Variants in PPP2R2B observed in about 807,000 individuals in gnomAD.
The protein encoded by PPP2R2B is protein phosphatase 2 regulatory subunit Bbeta, also known as serine/threonine-protein phosphatase 2A 55 kDa regulatory subunit B beta isoform.
Under a neutral mutation model 46.0 loss-of-function variants are expected in PPP2R2B, and 5 were observed. The observed-to-expected ratio is 0.11, with a 90% CI of 0.06 to 0.23. PPP2R2B has a LOEUF of 0.23. Ranked by LOEUF, PPP2R2B falls within the 10% of genes least tolerant of loss-of-function variation. The pLI is 1.00. For synonymous variants in PPP2R2B, 215 were observed against 206.7 expected (o/e 1.04, Z -0.34); for missense variants, 367 against 575.0 (o/e 0.64, Z 3.70).
intron 2 of PPP2R2B, among the ~76,000 whole-genome samples, chr5:146,797,999 T>C (rs1756645755): frequency 6.6e-6 from 1 of 152,072 alleles, no homozygotes; most frequent in Admixed American, 6.6e-5. Context: ...AAACCGTCAA[T>C]CTCCTTTCAG....
In PPP2R2B at chr5:146,703,592, T is replaced by G. The variant is rs538631216; in HGVS notation, c.71-2450A>C. Among the ~76,000 whole-genome samples, 16 of 152,298 alleles carry G rather than the reference T, an allele frequency of 1.1e-4. No homozygotes were observed. In the South Asian group the frequency reaches 2.9e-3, roughly 28 times the overall value. ...TTCCCAGTGTGAGCTCTTGGCTCAG[T>G]TGCCAAGAAGATATTACTCCAAGGG... On this transcript the variant is annotated intron_variant, in intron 2 of 9. Coordinates refer to ENST00000394411, the MANE Select transcript of PPP2R2B (RefSeq NM_181675.4).
chr5:146,945,083 G>A (rs1387644138), intron 1 of PPP2R2B, among the ~76,000 whole-genome samples: 1 of 152,122 alleles, frequency 6.6e-6, no homozygotes, highest in Non-Finnish European at 1.5e-5. Flanking sequence ...TTTCAAATTA[G>A]GCCAACATAC....
At position 146,843,753 on chromosome 5, in the gene PPP2R2B, A is replaced by T. The variant is rs190437522; in HGVS notation, c.70+34249T>A. Among the ~76,000 whole-genome samples the T allele has an allele frequency of 1.0e-3, 159 of 152,216 alleles. 1 individual carries two copies. The East Asian group carries it at 0.018, about 17-fold the overall frequency. On this transcript the variant is annotated intron_variant, in intron 2 of 9. Coordinates refer to ENST00000394411, the MANE Select transcript of PPP2R2B (RefSeq NM_181675.4). ...ACTGAAAATGATGGTTTCCAATTTCATCCATGTCCCTACAAAGGACATGAA... is the reference window on the plus strand; with the variant it reads ...ACTGAAAATGATGGTTTCCAATTTCTTCCATGTCCCTACAAAGGACATGAA...
rs1280463614 is a variant in PPP2R2B at position 146,964,612 on chromosome 5, G to A, written c.79+91053C>T. Among the ~76,000 whole-genome samples the A allele has an allele frequency of 1.3e-5, 2 of 151,996 alleles. 1 individual carries two copies. Among genetic ancestry groups the A allele is most frequent in the East Asian group, 3.9e-4 (2 of 5,192 alleles). ...ATGATCTTGGCTCACTGCAAGCTTTGCCTCCCAGGTTCATGCCATTTTCCT... is the reference window on the plus strand; with the variant it reads ...ATGATCTTGGCTCACTGCAAGCTTTACCTCCCAGGTTCATGCCATTTTCCT... On this transcript the variant is annotated intron_variant, in intron 1 of 8. Coordinates refer to the PPP2R2B transcript ENST00000336640.
At chr5:146,678,195 T>C (rs916767299) in intron 5 of PPP2R2B, among the ~76,000 whole-genome samples, 1 of 152,086 alleles carries the variant, frequency 6.6e-6, no homozygotes, top group Non-Finnish European at 1.5e-5. Flanking sequence ...TTATCCACCA[T>C]GATCAAGTGG....
chr5:146,838,589 AAAAAG>A (rs1465954019), intron 2 of PPP2R2B, among the ~76,000 whole-genome samples: 1 of 151,942 alleles, frequency 6.6e-6, no homozygotes, highest in Non-Finnish European at 1.5e-5. Flanking sequence ...AAAAAAGAAA[AAAAAG>A]AAGGAAGGGA....
At chr5:146,990,362 G>T (rs937331391) in intron 1 of PPP2R2B, among the ~76,000 whole-genome samples, 7 of 151,888 alleles carry the variant, frequency 4.6e-5, no homozygotes, top group African/African-American at 1.7e-4. Flanking sequence ...AAAACAGCAT[G>T]GTACTTATAG....
intron 2 of PPP2R2B, among the ~76,000 whole-genome samples, chr5:146,761,707 C>T (rs1754176508): frequency 6.6e-6 from 1 of 152,012 alleles, no homozygotes. Context: ...GAAATTTTGG[C>T]CATGTCTCAT....
intron 5 of PPP2R2B, among the ~76,000 whole-genome samples, chr5:146,665,172 G>A (rs1776908228): frequency 2.6e-5 from 4 of 152,168 alleles, no homozygotes; most frequent in Admixed American, 2.6e-4. Flanking sequence ...ATCCTTTGAA[G>A]CTTTGAAGAT....
intron 2 of PPP2R2B, among the ~76,000 whole-genome samples, chr5:146,851,433 G>A (rs4515335): frequency 0.48 from 73,008 of 151,910 alleles, 19,301 homozygotes; most frequent in East Asian, 0.72. Flanking sequence ...ATTGCTATTA[G>A]TGCTAACAAG....
intron 2 of PPP2R2B, among the ~76,000 whole-genome samples, chr5:147,074,409 G>C (rs1262314851): frequency 1.3e-5 from 2 of 152,174 alleles, no homozygotes; most frequent in Admixed American, 6.6e-5. Context: ...GAAGAGCAAG[G>C]CAAGTAGGGC....
In PPP2R2B at chr5:146,977,372, A is replaced by ATAT. The variant is rs989901360; in HGVS notation, c.79+78290_79+78292dup. On this transcript the variant is annotated intron_variant, in intron 1 of 8. Transcript: ENST00000336640. ...GTCTCCTGTGTAACAGTCTCTTTTAATATTATTATTATTATTATTATACTT... is the reference window on the plus strand; with the variant it reads ...GTCTCCTGTGTAACAGTCTCTTTTAATATTATTATTATTATTATTATTATACTT... Among the ~76,000 whole-genome samples the ATAT allele has an allele frequency of 1.2e-3, 181 of 151,016 alleles. 1 individual carries two copies. The highest frequency in any genetic ancestry group is 3.5e-3 in the African/African-American group (146 of 41,228).
intron 2 of PPP2R2B, among the ~76,000 whole-genome samples, chr5:146,872,850 C>A (rs1219835025): frequency 6.6e-6 from 1 of 152,168 alleles, no homozygotes; most frequent in African/African-American, 2.4e-5. Flanking sequence ...TTCTTCATAC[C>A]AAGCCAAGAT....
At chr5:146,778,542 CTG>C (rs1377629943) in intron 2 of PPP2R2B, among the ~76,000 whole-genome samples, 1 of 152,166 alleles carries the variant, frequency 6.6e-6, no homozygotes, top group Non-Finnish European at 1.5e-5. Context: ...ATCCTAGGGA[CTG>C]TGTCTTATTC....
chr5:146,729,113 C>T (rs572866374), intron 2 of PPP2R2B, among the ~76,000 whole-genome samples: 31 of 152,168 alleles, frequency 2.0e-4, no homozygotes, highest in Non-Finnish European at 2.5e-4. Flanking sequence ...ATGCTGATAG[C>T]GATATGGACA....
At chr5:147,034,962 G>A (rs1384653148) in intron 1 of PPP2R2B, among the ~76,000 whole-genome samples, 2 of 152,024 alleles carry the variant, frequency 1.3e-5, no homozygotes, top group Non-Finnish European at 2.9e-5. Flanking sequence ...GTAGAAGGAG[G>A]GAGGTGTGGG....
intron 2 of PPP2R2B, among the ~76,000 whole-genome samples, chr5:146,723,806 T>C (rs761567950): frequency 2.6e-5 from 4 of 152,114 alleles, no homozygotes; most frequent in Admixed American, 1.3e-4. Flanking sequence ...CCCTAAATGT[T>C]TATTTCTCTT....
chr5:146,706,538 G>A, intron 2 of PPP2R2B: 1 of 1,134,404 alleles, frequency 8.8e-7, no homozygotes, highest in South Asian at 1.2e-5. Flanking sequence ...TGTCCTACTT[G>A]GTCTGCTGAA....
intron 5 of PPP2R2B, among the ~76,000 whole-genome samples, chr5:146,685,462 T>C (rs1778433533): frequency 6.6e-6 from 1 of 152,238 alleles, no homozygotes; most frequent in Non-Finnish European, 1.5e-5. Flanking sequence ...AATAGTCTGT[T>C]TAATCAGTTC....
Sources: allele counts gnomAD v4.1 joint callset (sites outside exome capture counted in the v4.1 genomes callset), GRCh38; gene constraint gnomAD v4.1.1; transcripts MANE v1.5; gene names NCBI Gene and HGNC (gene_info 2026-07-23, HGNC 2026-07-21).